Variants in DRC8 observed in about 807,000 individuals in gnomAD.
The protein encoded by DRC8 is dynein regulatory complex protein 8.
chr1:245,110,898 G>A, the DRC8 span, among the ~76,000 whole-genome samples: 1 of 152,144 alleles, frequency 6.6e-6, no homozygotes. Context: ...TGGTTATAGT[G>A]TGGACTTAGA....
At chr1:245,024,151 C>G in the DRC8 span, among the ~76,000 whole-genome samples, 1 of 151,956 alleles carries the variant, frequency 6.6e-6, no homozygotes. Flanking sequence ...GCCTGTGCGG[C>G]TGAGCGAGAC....
At chr1:245,111,451 A>G in the DRC8 span, among the ~76,000 whole-genome samples, 1 of 152,262 alleles carries the variant, frequency 6.6e-6, no homozygotes. Context: ...AGAGCGAAGA[A>G]CACTTTGTTT....
chr1:245,097,521 A>G, the DRC8 span, among the ~76,000 whole-genome samples: 4 of 149,556 alleles, frequency 2.7e-5, no homozygotes, highest in Non-Finnish European at 5.9e-5. The surrounding 1 kb of genome is among the most constrained non-coding windows in gnomAD (Gnocchi z 5.0). Flanking sequence ...CCCTCTCAAA[A>G]AAAAAAAAAG....
the DRC8 span, among the ~76,000 whole-genome samples, chr1:244,971,958 C>CA: frequency 0.51 from 54,390 of 107,064 alleles, 13,907 homozygotes; most frequent in Admixed American, 0.59. Flanking sequence ...TGTTCTTTAC[C>CA]AAAAAAAAAA....
chr1:245,090,690 T>C, the DRC8 span, among the ~76,000 whole-genome samples: 2 of 152,234 alleles, frequency 1.3e-5, no homozygotes, highest in Non-Finnish European at 2.9e-5. Flanking sequence ...TTACGTTTTT[T>C]TTTTTTGGTC....
chr1:245,014,915 A>G, the DRC8 span, among the ~76,000 whole-genome samples: 1 of 152,244 alleles, frequency 6.6e-6, no homozygotes, highest in Admixed American at 6.5e-5. Context: ...ATATAAAAGA[A>G]TATGTATGAA....
At chr1:245,086,703 T>C in the DRC8 span, 1 of 532,632 alleles carries the variant, frequency 1.9e-6, no homozygotes, top group Non-Finnish European at 3.8e-6. Context: ...TCATAACACG[T>C]TTCATTCTCA....
At chr1:245,035,449 G>A in the DRC8 span, among the ~76,000 whole-genome samples, 14,703 of 152,022 alleles carry the variant, frequency 0.097, 721 homozygotes, top group East Asian at 0.11. Flanking sequence ...CAATAAAGGC[G>A]GCAAGACAAT....
the DRC8 span, among the ~76,000 whole-genome samples, chr1:244,976,822 G>A: frequency 6.6e-6 from 1 of 152,212 alleles, no homozygotes; most frequent in Middle Eastern, 3.2e-3. Context: ...GCAAGGCCTC[G>A]AAGAGATATT....
chr1:245,020,984 C>T, the DRC8 span, among the ~76,000 whole-genome samples: 1,244 of 152,078 alleles, frequency 8.2e-3, 14 homozygotes, highest in African/African-American at 0.029. Flanking sequence ...ACAGATTGAA[C>T]GCAGAACTAG....
the DRC8 span, among the ~76,000 whole-genome samples, chr1:245,005,862 A>T: frequency 6.6e-6 from 1 of 152,194 alleles, no homozygotes; most frequent in Admixed American, 6.5e-5. Flanking sequence ...AACGTGAGTG[A>T]CGAATGGGAG....
chr1:245,065,401 T>C, the DRC8 span, among the ~76,000 whole-genome samples: 1 of 152,176 alleles, frequency 6.6e-6, no homozygotes, highest in Non-Finnish European at 1.5e-5. Flanking sequence ...CTGTGTTCTC[T>C]CTGGTAGATT....
the DRC8 span, chr1:245,059,443 T>G: frequency 6.2e-7 from 1 of 1,612,856 alleles, no homozygotes; most frequent in Admixed American, 1.7e-5. Flanking sequence ...GAGAGCTGCA[T>G]GATCTGATTG....
chr1:245,104,759 C>T, the DRC8 span, among the ~76,000 whole-genome samples: 1 of 152,166 alleles, frequency 6.6e-6, no homozygotes. Context: ...CCCCACACAA[C>T]CATTAAACCA....
chr1:245,076,009 G>GAGGGAGA, the DRC8 span, among the ~76,000 whole-genome samples: 455 of 152,326 alleles, frequency 3.0e-3, 1 homozygote, highest in African/African-American at 0.01. Context: ...AACAAGCGGG[G>GAGGGAGA]AGGGAGAAGG....
chr1:245,070,132 T>C, the DRC8 span, among the ~76,000 whole-genome samples: 1 of 152,058 alleles, frequency 6.6e-6, no homozygotes, highest in Admixed American at 6.5e-5. Context: ...GGAAGTTGAG[T>C]ATTTGCAGAT....
chr1:245,099,878 T>C, the DRC8 span, among the ~76,000 whole-genome samples: 1 of 152,130 alleles, frequency 6.6e-6, no homozygotes, highest in Non-Finnish European at 1.5e-5. Flanking sequence ...AATGGTACAG[T>C]GTATCTCCAT....
At chr1:244,986,527 C>T in the DRC8 span, among the ~76,000 whole-genome samples, 1 of 151,944 alleles carries the variant, frequency 6.6e-6, no homozygotes, top group Non-Finnish European at 1.5e-5. Context: ...CAAGAGGGAG[C>T]CATTGGAGCT....
chr1:245,029,835 A>G, the DRC8 span, among the ~76,000 whole-genome samples: 11 of 150,534 alleles, frequency 7.3e-5, no homozygotes, highest in Non-Finnish European at 1.5e-4. Flanking sequence ...GCCTCAAGTG[A>G]TCCGCCTGCC....
Sources: allele counts gnomAD v4.1 joint callset (sites outside exome capture counted in the v4.1 genomes callset), GRCh38; gene constraint gnomAD v4.1.1; non-coding constraint Gnocchi (gnomAD v3.1); transcripts MANE v1.5; gene names NCBI Gene and HGNC (gene_info 2026-07-23, HGNC 2026-07-21).